The following WNT11 variants were observed in gnomAD, a reference collection of about 807,000 sequenced individuals.
WNT11 encodes protein Wnt-11.
A neutral mutation model predicts 35.6 loss-of-function variants in WNT11; 20 were observed. The observed-to-expected ratio is 0.56, with a 90% CI of 0.40 to 0.82. The LOEUF (loss-of-function observed/expected upper bound fraction) is 0.82, where lower values mean the gene tolerates loss of function less well. Among genes scored for constraint, WNT11 ranks in the 40% least tolerant of loss-of-function variants. The pLI, the probability that WNT11 is intolerant of heterozygous loss-of-function variation, is 0.00. For missense variants in WNT11, 459 were observed against 504.4 expected, an observed-to-expected ratio of 0.91 and a Z score of 0.86; for synonymous variants, 200 against 211.9, an observed-to-expected ratio of 0.94 and a Z score of 0.49.
chr11:76,203,422 C>T (rs956452602), intron 1 of WNT11, among the ~76,000 whole-genome samples: 1 of 152,226 alleles, frequency 6.6e-6, no homozygotes, highest in African/African-American at 2.4e-5. Flanking sequence ...ATGTTCCCAA[C>T]CGGCCTGGGC....
chr11:76,188,948 C>T (rs1240423812), intron 4 of WNT11, among the ~76,000 whole-genome samples: 3 of 152,140 alleles, frequency 2.0e-5, no homozygotes, highest in African/African-American at 7.2e-5. Flanking sequence ...GGGGGAGAGG[C>T]CAGGCCTGAG....
intron 1 of WNT11, among the ~76,000 whole-genome samples, chr11:76,200,897 C>T (rs111793123): frequency 0.014 from 2,113 of 152,378 alleles, 46 homozygotes; most frequent in African/African-American, 0.049. Context: ...GTGAAGGCAG[C>T]CTCCTGTGTC....
At chr11:76,202,276 G>A (rs1031747149) in intron 1 of WNT11, among the ~76,000 whole-genome samples, 2 of 152,170 alleles carry the variant, frequency 1.3e-5, no homozygotes, top group African/African-American at 4.8e-5. Flanking sequence ...CTGTGCTTCT[G>A]GGATGAGGAG....
chr11:76,205,238 CA>C (rs1486969273), intron 1 of WNT11, among the ~76,000 whole-genome samples: 1 of 152,188 alleles, frequency 6.6e-6, no homozygotes, highest in Non-Finnish European at 1.5e-5. Flanking sequence ...CAGCCACTAT[CA>C]CCCTGTCTTC....
At position 76,194,777 on chromosome 11, in the gene WNT11, G is replaced by C; in HGVS notation, c.387C>G (p.Ala129=). 6.4e-7 allele frequency: 1 copy of C among 1,556,404 alleles called. No homozygotes were observed. The highest frequency in any genetic ancestry group is 8.7e-7 in the Non-Finnish European group (1 of 1,153,162). The change falls in exon 3 of 5, where the codon GCC becomes GCG. Residue 129 remains alanine, a synonymous_variant. Transcript: ENST00000322563. The surrounding 1 kb of genome is among the most constrained non-coding windows in gnomAD (Gnocchi z 5.4). ...AAAISHAIAR[A]CTSGDLPGCS... ...AGCCGGGCAGGTCGCCGGAGGTGCA[G>C]GCCCGGGCGATGGCGTGGCTGATGG...
intron 1 of WNT11, among the ~76,000 whole-genome samples, chr11:76,205,976 C>G (rs763434466): frequency 6.6e-6 from 1 of 152,166 alleles, no homozygotes; most frequent in African/African-American, 2.4e-5. Context: ...GGACAAGGAC[C>G]GCTCCTGGGC....
intron 4 of WNT11, among the ~76,000 whole-genome samples, chr11:76,189,333 T>A (rs1413090814): frequency 6.6e-6 from 1 of 152,182 alleles, no homozygotes; most frequent in Non-Finnish European, 1.5e-5. Flanking sequence ...GGGACCAGGA[T>A]TGGGGCCAGT....
At chr11:76,210,503 T>C (rs2134620710), upstream of WNT11, 1 of 985,168 alleles carries the variant, frequency 1.0e-6, no homozygotes, top group Non-Finnish European at 1.2e-6. Context: ...GCGCCCTGCG[T>C]GCCCGGGTGC....
chr11:76,197,817 C>A (rs1419307786), intron 1 of WNT11, among the ~76,000 whole-genome samples: 1 of 152,076 alleles, frequency 6.6e-6, no homozygotes, highest in African/African-American at 2.4e-5. Flanking sequence ...TTCTCCTAGG[C>A]CTTCTCTGAG....
upstream of WNT11, chr11:76,206,675 G>A (rs1354942815): frequency 1.6e-6 from 1 of 635,374 alleles, no homozygotes; most frequent in African/African-American, 1.9e-5. Context: ...AGGCGCGGCC[G>A]AAGGCGTGTC....
Position 76,196,030 on chromosome 11 carries a change from C to T in WNT11, c.319+453G>A, listed in dbSNP as rs886766782. ...GATGTTCTGTCCCCACACTGCTTTGCGCATGGTGCAACAGTTTCTGCAGTC... is the reference window on the plus strand; with the variant it reads ...GATGTTCTGTCCCCACACTGCTTTGTGCATGGTGCAACAGTTTCTGCAGTC... On this transcript the variant is annotated intron_variant, in intron 2 of 4. Transcript: ENST00000322563. Among the ~76,000 whole-genome samples the T allele has an allele frequency of 4.6e-5, 7 of 152,208 alleles. No homozygotes were observed. The South Asian group carries it at 6.2e-4, about 13-fold the overall frequency.
upstream of WNT11, among the ~76,000 whole-genome samples, chr11:76,210,084 C>T (rs191369643): frequency 6.7e-6 from 1 of 150,206 alleles, no homozygotes; most frequent in African/African-American, 2.4e-5. Flanking sequence ...TCGCGGGATC[C>T]AAGTCCCCCA....
chr11:76,206,448 G>A lies in WNT11; in HGVS notation c.-41C>T. ...GCGCCCGGGGTCACACCCAGGAGGAGCCGCGCCGAAGTCCTCCGCCTGCAC... is the reference window on the plus strand; with the variant it reads ...GCGCCCGGGGTCACACCCAGGAGGAACCGCGCCGAAGTCCTCCGCCTGCAC... On this transcript the variant is annotated 5_prime_UTR_variant, in exon 1 of 5. Coordinates refer to ENST00000322563, the MANE Select transcript of WNT11 (RefSeq NM_004626.3). 9 of 1,398,942 alleles carry A rather than the reference G, an allele frequency of 6.4e-6. No homozygotes were observed. Among genetic ancestry groups the A allele is most frequent in the Non-Finnish European group, 8.4e-6 (9 of 1,077,106 alleles). 86.7% of individuals were successfully genotyped at this position (1,398,942 alleles called of 1,614,324 possible).
chr11:76,191,181 C>A (rs1279109652), intron 4 of WNT11, among the ~76,000 whole-genome samples: 2 of 152,200 alleles, frequency 1.3e-5, no homozygotes, highest in African/African-American at 4.8e-5. Context: ...TGGCCTTTAC[C>A]CGTCATCTGT....
At chr11:76,205,618 C>T (rs890202250) in intron 1 of WNT11, among the ~76,000 whole-genome samples, 5 of 152,172 alleles carry the variant, frequency 3.3e-5, no homozygotes, top group Non-Finnish European at 7.3e-5. Context: ...TAGAGCGCAG[C>T]TCCTCCGGGA....
rs1953238587 is a variant in WNT11, at chr11:76,194,462, G to C, written c.597+105C>G. On this transcript the variant is annotated intron_variant, in intron 3 of 4. Coordinates refer to ENST00000322563, the MANE Select transcript of WNT11 (RefSeq NM_004626.3). The surrounding 1 kb of genome is among the most constrained non-coding windows in gnomAD (Gnocchi z 5.4). ...AGGCACATCAGGTGTGGGCCAGTCA[G>C]GGCCCGTCCCCCCGCACCCCCCACC... is the stretch of plus-strand genomic sequence containing the variant. 17 of 1,355,024 alleles carry C rather than the reference G, an allele frequency of 1.3e-5. 1 individual carries two copies. Among genetic ancestry groups the C allele is most frequent in the Non-Finnish European group, 1.3e-5 (13 of 1,003,878 alleles). The allele number at this position is 1,355,024 out of a possible 1,614,324, so 83.9% of individuals were successfully genotyped here.
At chr11:76,189,682 G>A (rs1465204507) in intron 4 of WNT11, among the ~76,000 whole-genome samples, 1 of 152,054 alleles carries the variant, frequency 6.6e-6, no homozygotes, top group African/African-American at 2.4e-5. Flanking sequence ...TGATGTCCAG[G>A]CTGGATCAGG....
upstream of WNT11, among the ~76,000 whole-genome samples, chr11:76,207,390 C>G (rs1278044524): frequency 6.6e-6 from 1 of 152,160 alleles, no homozygotes; most frequent in East Asian, 1.9e-4. Flanking sequence ...AAAAAAAGTT[C>G]CCTAACACGA....
chr11:76,206,632 G>A, upstream of WNT11: 1 of 945,426 alleles, frequency 1.1e-6, no homozygotes, highest in Non-Finnish European at 1.3e-6. Context: ...GCTCCGCCCG[G>A]CCGGGGGACG....
Sources: gnomAD v4.1 joint callset for allele counts (sites outside exome capture counted in the v4.1 genomes callset) on GRCh38, gnomAD v4.1.1 for gene constraint, Gnocchi (gnomAD v3.1) non-coding constraint, MANE v1.5 for transcripts, NCBI Gene and HGNC (gene_info 2026-07-23, HGNC 2026-07-21) for gene names.